Variants in CNTN5 observed in about 807,000 individuals in gnomAD.
CNTN5 encodes the protein contactin 5, also known as contactin-5.
Under a neutral mutation model 129.1 loss-of-function variants are expected in CNTN5, and 77 were observed. That is an observed-to-expected ratio of 0.60 (90% CI 0.50 to 0.72). The LOEUF (loss-of-function observed/expected upper bound fraction) is 0.72, where lower values mean the gene tolerates loss of function less well. Among genes scored for constraint, CNTN5 ranks in the 30% least tolerant of loss-of-function variants. The probability of loss-of-function intolerance (pLI) is 0.00; values close to 1 mark genes in which losing one functional copy is unlikely to be tolerated. For synonymous variants in CNTN5, 509 were observed against 465.6 expected (o/e 1.09, Z -1.20); for missense variants, 1,478 against 1,328.8 (o/e 1.11, Z -1.75).
chr11:99,802,611 G>T (rs938851473), intron 3 of CNTN5, among the ~76,000 whole-genome samples: 3 of 152,184 alleles, frequency 2.0e-5, no homozygotes, highest in African/African-American at 7.2e-5. Context: ...CTGTTCAAGA[G>T]GCCTGGAGGT....
chr11:99,388,981 C>CATTTTATTTTAT (rs1565542059), intron 2 of CNTN5, among the ~76,000 whole-genome samples: 1 of 105,556 alleles, frequency 9.5e-6, no homozygotes, highest in Non-Finnish European at 2.1e-5. Flanking sequence ...ATTCTCCAGT[C>CATTTTATTTTAT]CTTATTTTAT....
At chr11:100,348,089 A>T (rs1952327006) in intron 23 of CNTN5, among the ~76,000 whole-genome samples, 1 of 151,996 alleles carries the variant, frequency 6.6e-6, no homozygotes, top group African/African-American at 2.4e-5. Context: ...AGTCTTGACA[A>T]TACATTAGAC....
At chr11:100,057,338 A>T (rs1943278143) in intron 9 of CNTN5, among the ~76,000 whole-genome samples, 1 of 150,666 alleles carries the variant, frequency 6.6e-6, no homozygotes, top group African/African-American at 2.4e-5. Context: ...TAAAAACTTA[A>T]AATGCTTATT....
At chr11:99,148,931 C>A (rs1403646332) in intron 1 of CNTN5, among the ~76,000 whole-genome samples, 2 of 151,870 alleles carry the variant, frequency 1.3e-5, no homozygotes, top group East Asian at 3.9e-4. Flanking sequence ...ACCCTTCTAT[C>A]CTCAATTTTA....
At chr11:99,471,322 G>A (rs140555808) in intron 2 of CNTN5, among the ~76,000 whole-genome samples, 213 of 151,968 alleles carry the variant, frequency 1.4e-3, no homozygotes, top group African/African-American at 4.8e-3. Context: ...CTAGAACTTG[G>A]AATCACAGGT....
chr11:99,086,727 T>C (rs1289847419), intron 1 of CNTN5, among the ~76,000 whole-genome samples: 1 of 152,200 alleles, frequency 6.6e-6, no homozygotes, highest in Non-Finnish European at 1.5e-5. Context: ...CAAAGGAATA[T>C]ATATGAGATC....
chr11:99,961,220 A>AAAC (rs1555167388), intron 8 of CNTN5, among the ~76,000 whole-genome samples: 1 of 88,212 alleles, frequency 1.1e-5, no homozygotes, highest in African/African-American at 2.8e-5. Flanking sequence ...AAAAAAAAAA[A>AAAC]AAAAACAGTA....
chr11:99,213,483 C>CATAT (rs35627812), intron 1 of CNTN5, among the ~76,000 whole-genome samples: 1 of 136,578 alleles, frequency 7.3e-6, no homozygotes, highest in Non-Finnish European at 1.6e-5. Flanking sequence ...TATATACACA[C>CATAT]ATATATATAT....
At chr11:100,212,007 T>A (rs2138589310) in intron 15 of CNTN5, among the ~76,000 whole-genome samples, 1 of 152,266 alleles carries the variant, frequency 6.6e-6, no homozygotes, top group South Asian at 2.1e-4. Context: ...TTCCCCCTAC[T>A]TTTATCTCCC....
chr11:100,072,282 A>G (rs1943950930), intron 12 of CNTN5, among the ~76,000 whole-genome samples: 1 of 151,958 alleles, frequency 6.6e-6, no homozygotes, highest in Non-Finnish European at 1.5e-5. Flanking sequence ...AGGCTAAATC[A>G]CTCTCTCCTC....
chr11:99,773,484 T>C lies in CNTN5; in HGVS notation c.56-46060T>C, dbSNP rs1945013360. Among the ~76,000 whole-genome samples, 2 of 152,084 alleles carry C rather than the reference T, an allele frequency of 1.3e-5. 1 individual carries two copies. Among genetic ancestry groups the C allele is most frequent in the South Asian group, 4.1e-4 (2 of 4,836 alleles). ...AGTCTTTGGTTTTTAAGGTCATTTG[T>C]ACTGTGTATGTATTTAAATACTAAC... On this transcript the variant is annotated intron_variant, in intron 3 of 24. Coordinates refer to ENST00000524871, the MANE Select transcript of CNTN5 (RefSeq NM_014361.4).
intron 4 of CNTN5, among the ~76,000 whole-genome samples, chr11:99,825,819 T>C (rs528205374): frequency 6.6e-6 from 1 of 152,274 alleles, no homozygotes; most frequent in African/African-American, 2.4e-5. Flanking sequence ...TGCCATTTTG[T>C]ACCTTTACTA....
chr11:100,302,800 A>T (rs949272728), intron 20 of CNTN5, among the ~76,000 whole-genome samples: 1 of 151,464 alleles, frequency 6.6e-6, no homozygotes, highest in African/African-American at 2.4e-5. Context: ...TGCATTCTCC[A>T]CTCTATCCCT....
intron 4 of CNTN5, among the ~76,000 whole-genome samples, chr11:99,835,143 G>A (rs1947262279): frequency 6.6e-6 from 1 of 152,204 alleles, no homozygotes; most frequent in Non-Finnish European, 1.5e-5. Context: ...TTGCCCTGTG[G>A]CGGGTAAGAT....
chr11:99,987,392 C>T lies in CNTN5; in HGVS notation c.878-14642C>T, dbSNP rs1023247764. ...AAGAAAAGAAAAATAATGAACAATG[C>T]TATTTCTCTTTATATATATACACAC... On this transcript the variant is annotated intron_variant, in intron 8 of 24. Coordinates refer to ENST00000524871, the MANE Select transcript of CNTN5 (RefSeq NM_014361.4). Among the ~76,000 whole-genome samples, 5 of 151,626 alleles carry T rather than the reference C, an allele frequency of 3.3e-5. No individual in the cohort carries two copies. In the East Asian group the frequency reaches 7.7e-4, roughly 23 times the overall value.
intron 6 of CNTN5, among the ~76,000 whole-genome samples, chr11:99,872,566 C>A (rs1490990026): frequency 6.6e-6 from 1 of 152,084 alleles, no homozygotes; most frequent in African/African-American, 2.4e-5. Flanking sequence ...AAAAGTCCTG[C>A]CACCCGGTAC....
At chr11:99,213,035 C>T (rs1322718690) in intron 1 of CNTN5, among the ~76,000 whole-genome samples, 5 of 151,368 alleles carry the variant, frequency 3.3e-5, no homozygotes, top group Admixed American at 2.6e-4. Flanking sequence ...ACTAAGAATA[C>T]AAAAAATTAG....
rs1402211937 is a variant in CNTN5, at chr11:100,356,154, T to C, written c.3237T>C (p.Ser1079=). 3.1e-6 allele frequency: 5 copies of C among 1,610,550 alleles called. No homozygotes were observed. The Admixed American group carries it at 8.4e-5, about 27-fold the overall frequency. Residue 1079 remains serine (S), a synonymous_variant, in exon 25 of 25, where the codon TCT becomes TCC. Coordinates refer to ENST00000524871, the MANE Select transcript of CNTN5 (RefSeq NM_014361.4). ...KITSAQSTLH[S]LSTSSSSVTL... is the part of the protein sequence containing the mutation. ...CAAGTGCACAGTCGACCCTTCACTCTCTCTCCACATCTTCGTCATCAGTCA... is the reference window on the plus strand; with the variant it reads ...CAAGTGCACAGTCGACCCTTCACTCCCTCTCCACATCTTCGTCATCAGTCA...
At chr11:99,177,221 C>G (rs1189323059) in intron 1 of CNTN5, among the ~76,000 whole-genome samples, 3 of 152,198 alleles carry the variant, frequency 2.0e-5, no homozygotes, top group Admixed American at 2.0e-4. Context: ...CTCAATACTT[C>G]TGGTCCCTTC....
Sources: gnomAD v4.1 joint callset for allele counts (sites outside exome capture counted in the v4.1 genomes callset) on GRCh38, gnomAD v4.1.1 for gene constraint, MANE v1.5 for transcripts, NCBI Gene and HGNC (gene_info 2026-07-23, HGNC 2026-07-21) for gene names.